The following FAN1 variants were observed in gnomAD, a reference collection of about 807,000 sequenced individuals.
FAN1 encodes FANCD2 and FANCI associated nuclease 1.
Under a neutral mutation model 104.9 loss-of-function variants are expected in FAN1, and 91 were observed. The ratio of observed to expected loss-of-function variants is 0.87; its 90% CI spans 0.73 to 1.03. FAN1 has a LOEUF of 1.03. FAN1 is among the 50% of genes least tolerant of loss of function. The pLI, the probability that FAN1 is intolerant of heterozygous loss-of-function variation, is 0.00. For synonymous variants in FAN1, 478 were observed against 457.6 expected, an observed-to-expected ratio of 1.04 and a Z score of -0.57; for missense variants, 1,263 against 1,239.9, an observed-to-expected ratio of 1.02 and a Z score of -0.28.
Position 30,925,702 on chromosome 15 carries a change from G to A in FAN1, c.2338-87G>A, listed in dbSNP as rs2062443664. The A allele has an allele frequency of 2.8e-6, 4 of 1,430,262 alleles. No individual in the cohort carries two copies. The South Asian group carries it at 5.0e-5, about 18-fold the overall frequency. 88.6% of individuals were successfully genotyped at this position (1,430,262 alleles called of 1,614,324 possible). On this transcript the variant is annotated intron_variant, in intron 9 of 14. Transcript: ENST00000362065. ...CTAAGTGACTGACTTTGTGGTAAGG[G>A]AGGTCAATCCTCACGATGCTACAGG... is the stretch of plus-strand genomic sequence containing the variant.
chr15:30,926,231 C>A (rs1362435340), intron 10 of FAN1, among the ~76,000 whole-genome samples: 1 of 152,224 alleles, frequency 6.6e-6, no homozygotes, highest in Non-Finnish European at 1.5e-5. Flanking sequence ...ACAGTGTGCT[C>A]AACCCCACGG....
In FAN1 at chr15:30,930,631, C is replaced by T. The variant is rs140236865; in HGVS notation, c.2876C>T (p.Pro959Leu). 2 of 1,612,864 alleles carry T rather than the reference C, an allele frequency of 1.2e-6. No individual in the cohort carries two copies. ...ADFRHCRGGL[P>L]DLVVWNSQSR... ...TTTCGACACTGTCGAGGGGGCCTCC[C>T]CGACCTGGTGGTGTGGAACTCCCAG... The change falls in exon 13 of 15, where the codon CCC becomes CTC. Residue 959 changes from proline to leucine, a missense_variant. Physicochemically the swap from Pro to Leu is moderately conservative, Grantham distance 98. Transcript: ENST00000362065.
chr15:30,941,626 G>C lies in FAN1; in HGVS notation c.*64G>C, dbSNP rs373665066. The C allele has an allele frequency of 6.2e-7, 1 of 1,605,986 alleles. No homozygotes were observed. The highest frequency in any genetic ancestry group is 2.2e-5 in the East Asian group (1 of 44,528). ...GAAACTCCGGTGTCCCCGAGGTGTC[G>C]GTGTGGTGAGGGCCGCTGGCGTTGA... On this transcript the variant is annotated 3_prime_UTR_variant, in exon 15 of 15. Transcript: ENST00000362065.
At chr15:30,921,898 A>C (rs1167590160) in intron 7 of FAN1, among the ~76,000 whole-genome samples, 1 of 152,140 alleles carries the variant, frequency 6.6e-6, no homozygotes, top group Non-Finnish European at 1.5e-5. Context: ...TGGGTTTGCC[A>C]ACTGTGACCA....
chr15:30,913,270 G>C (rs960897428), intron 4 of FAN1, among the ~76,000 whole-genome samples: 1 of 152,146 alleles, frequency 6.6e-6, no homozygotes, highest in African/African-American at 2.4e-5. Flanking sequence ...TCTATTGCCT[G>C]ATGATATGAA....
intron 10 of FAN1, chr15:30,927,717 G>A (rs1052231285): frequency 2.0e-6 from 2 of 985,520 alleles, no homozygotes; most frequent in South Asian, 9.4e-5. Flanking sequence ...GTGGGGAGAG[G>A]CATCCATGTG....
chr15:30,905,028 A>G lies in FAN1; in HGVS notation c.365A>G (p.Lys122Arg). Residue 122 changes from lysine (K) to arginine (R), a missense_variant, in exon 2 of 15, where the codon AAG (lysine) becomes AGG (arginine). Physicochemically the swap from Lys to Arg is conservative, Grantham distance 26 (BLOSUM62 2). Transcript: ENST00000362065. ...AGTGATTCAGCAAAAAGGGAAGTAA[A>G]GCAGAAGATCAGTCCCTACTTTAAA... is the stretch of plus-strand genomic sequence containing the variant. The part of the protein sequence containing the change: ...GQSDSAKREV[K>R]QKISPYFKSN... 2.5e-6 allele frequency: 4 copies of G among 1,614,092 alleles called. No individual in the cohort carries two copies. Among genetic ancestry groups the G allele is most frequent in the Non-Finnish European group, 3.4e-6 (4 of 1,180,030 alleles).
At chr15:30,928,800 A>G in intron 11 of FAN1, 144 bp downstream of exon 11, 1 of 1,467,050 alleles carries the variant, frequency 6.8e-7, no homozygotes, top group African/African-American at 1.4e-5. Flanking sequence ...ATGATAACTT[A>G]TTTTAAAAAT....
intron 13 of FAN1, among the ~76,000 whole-genome samples, chr15:30,932,297 A>C (rs1414179253): frequency 1.3e-5 from 2 of 151,772 alleles, no homozygotes; most frequent in Non-Finnish European, 2.9e-5. Flanking sequence ...ATCTGAGAGG[A>C]ATTGGTATCT....
intron 4 of FAN1, chr15:30,911,277 T>A (rs542305628): frequency 1.0e-6 from 1 of 987,324 alleles, no homozygotes; most frequent in Non-Finnish European, 1.2e-6. Flanking sequence ...TTGACCTGTT[T>A]CAGTTGAAAA....
intron 14 of FAN1, chr15:30,940,563 T>A (rs905658470): frequency 6.1e-6 from 6 of 985,422 alleles, no homozygotes; most frequent in Non-Finnish European, 7.2e-6. Flanking sequence ...CCAGCACGCC[T>A]CCCAGCAAGC....
Position 30,904,678 on chromosome 15 carries a change from G to A in FAN1, c.15G>A (p.Gly5=). The change falls in exon 2 of 15, where the codon GGG becomes GGA. Residue 5 remains glycine, a synonymous_variant. Transcript: ENST00000362065. The part of the protein sequence containing the change: MMSE[G]KPPDKKRPRR... ...TTCTAATACTCATGATGTCAGAAGG[G>A]AAACCTCCTGACAAAAAAAGGCCTC... The A allele has an allele frequency of 6.2e-7, 1 of 1,605,980 alleles. No individual in the cohort carries two copies. The highest frequency in any genetic ancestry group is 8.5e-7 in the Non-Finnish European group (1 of 1,176,202).
At chr15:30,911,369 C>T in intron 4 of FAN1, 1 of 985,024 alleles carries the variant, frequency 1.0e-6, no homozygotes, top group Non-Finnish European at 1.2e-6. Flanking sequence ...TGGGAATTCA[C>T]TACTGTGGAG....
At position 30,925,776 on chromosome 15, in the gene FAN1, G is replaced by C. The variant is rs368750030; in HGVS notation, c.2338-13G>C. The C allele has an allele frequency of 1.5e-4, 238 of 1,613,724 alleles. No individual in the cohort carries two copies. Among genetic ancestry groups the C allele is most frequent in the Admixed American group, 7.8e-4 (47 of 60,010 alleles). On this transcript the variant is annotated splice_polypyrimidine_tract_variant and intron_variant, in intron 9 of 14. Transcript: ENST00000362065. ...ACCTGAGGCTAATAGATGTTATTCT[G>C]CTGCTGTTTCAGGTGACCATCACAG...
chr15:30,940,322 C>CA, intron 14 of FAN1: 1 of 985,392 alleles, frequency 1.0e-6, no homozygotes, highest in Non-Finnish European at 1.2e-6. Flanking sequence ...TGTGTCTGCT[C>CA]ATTCTCCTCA....
At chr15:30,938,649 C>T (rs754438908) in intron 14 of FAN1, among the ~76,000 whole-genome samples, 52 of 152,132 alleles carry the variant, frequency 3.4e-4, no homozygotes, top group Non-Finnish European at 5.7e-4. Flanking sequence ...ACTGGAACCC[C>T]AGTCTGTCTC....
chr15:30,928,323 T>A, intron 10 of FAN1: 1 of 1,299,874 alleles, frequency 7.7e-7, no homozygotes, highest in Non-Finnish European at 9.7e-7. Context: ...TTTGAATTTT[T>A]CTATGATTAC....
intron 14 of FAN1, among the ~76,000 whole-genome samples, chr15:30,938,582 G>A (rs2062934085): frequency 6.6e-6 from 1 of 152,134 alleles, no homozygotes; most frequent in Non-Finnish European, 1.5e-5. Flanking sequence ...TCTCAGGCTG[G>A]GCAAGGGGGT....
chr15:30,941,696 G>A lies in FAN1; in HGVS notation c.*134G>A. ...CAGCTCCCCATAGCAGGCCTCCAGG[G>A]GGCCACTGCGCTGTTGCCGCAGCAT... On this transcript the variant is annotated 3_prime_UTR_variant, in exon 15 of 15. Transcript: ENST00000362065. 1.2e-6 allele frequency: 2 copies of A among 1,613,808 alleles called. No individual in the cohort carries two copies. Among genetic ancestry groups the A allele is most frequent in the East Asian group, 2.2e-5 (1 of 44,876 alleles).
Sources: allele counts gnomAD v4.1 joint callset (sites outside exome capture counted in the v4.1 genomes callset), GRCh38; gene constraint gnomAD v4.1.1; transcripts MANE v1.5; gene names NCBI Gene and HGNC (gene_info 2026-07-23, HGNC 2026-07-21).